Variants in ANO10 observed in about 807,000 individuals in gnomAD.
The protein encoded by ANO10 is anoctamin-10.
ANO10 carries 77 observed loss-of-function variants against 74.7 expected under a neutral mutation model. The observed-to-expected ratio is 1.03, with a 90% CI of 0.86 to 1.25. ANO10 has a LOEUF of 1.25. ANO10 is among the 50% of genes most tolerant of loss of function. The pLI is 0.00. For synonymous variants in ANO10, 279 were observed against 284.9 expected, an observed-to-expected ratio of 0.98 and a Z score of 0.21; for missense variants, 721 against 778.1, an observed-to-expected ratio of 0.93 and a Z score of 0.87.
At chr3:43,604,474 A>G (rs982171244) in intron 2 of ANO10, among the ~76,000 whole-genome samples, 1 of 150,072 alleles carries the variant, frequency 6.7e-6, no homozygotes, top group Admixed American at 6.6e-5. Flanking sequence ...CCTGTTTCCT[A>G]GCTTCCAATT....
At chr3:43,660,851 C>G (rs1183822105) in intron 1 of ANO10, among the ~76,000 whole-genome samples, 1 of 152,054 alleles carries the variant, frequency 6.6e-6, no homozygotes, top group South Asian at 2.1e-4. Flanking sequence ...CTACTCAGGA[C>G]GCCAAGGCAG....
chr3:43,627,298 G>A (rs184923717), intron 1 of ANO10, among the ~76,000 whole-genome samples: 6 of 152,326 alleles, frequency 3.9e-5, no homozygotes, highest in Admixed American at 3.3e-4. Flanking sequence ...TTACCAAATC[G>A]GTGGAAGGCC....
chr3:43,557,905 G>A (rs1255279890), intron 9 of ANO10, among the ~76,000 whole-genome samples: 1 of 151,456 alleles, frequency 6.6e-6, no homozygotes, highest in Non-Finnish European at 1.5e-5. Context: ...AGGAGTTCAA[G>A]ACCAGCCTGG....
chr3:43,427,856 C>T (rs2092920843), intron 12 of ANO10, among the ~76,000 whole-genome samples: 5 of 152,086 alleles, frequency 3.3e-5, no homozygotes, highest in Admixed American at 3.3e-4. Flanking sequence ...AAGGAGGTAA[C>T]CTTTTGTACC....
chr3:43,582,344 C>T (rs929390189), intron 4 of ANO10, among the ~76,000 whole-genome samples: 9 of 151,896 alleles, frequency 5.9e-5, no homozygotes, highest in East Asian at 5.8e-4. Context: ...CCCAGCTACT[C>T]GGGAAGCTGA....
chr3:43,677,166 A>G (rs1291856063), intron 1 of ANO10, among the ~76,000 whole-genome samples: 3 of 152,214 alleles, frequency 2.0e-5, no homozygotes, highest in Non-Finnish European at 4.4e-5. Context: ...CCCAAAAAGA[A>G]TGAAATCACG....
rs571983239 is a variant in ANO10 at position 43,598,607 on chromosome 3, C to T, written c.397G>A (p.Glu133Lys). 252 of 1,612,074 alleles carry T rather than the reference C, an allele frequency of 1.6e-4. 3 individuals are homozygous for T. In the South Asian group the frequency reaches 1.7e-3, roughly 11 times the overall value. The change falls in exon 4 of 13, where the codon GAA becomes AAA. Residue 133 changes from glutamate to lysine, a missense_variant. Physicochemically the swap from Glu to Lys is moderately conservative, Grantham distance 56. Transcript: ENST00000292246. The stretch of plus-strand genomic sequence containing the variant: ...TTTTCATCTTTAGCTCTAAGATTTT[C>T]AAGTTCATGTTTGATAATGAATTGA... ...ECQFIIKHEL[E>K]NLRAKDEKMI...
intron 11 of ANO10, among the ~76,000 whole-genome samples, chr3:43,503,556 G>C (rs2077175601): frequency 6.6e-6 from 1 of 152,218 alleles, no homozygotes. Context: ...AGGGGGCAGA[G>C]CTAAGCCATA....
intron 1 of ANO10, among the ~76,000 whole-genome samples, chr3:43,685,057 T>G (rs548070956): frequency 1.5e-4 from 23 of 152,298 alleles, no homozygotes; most frequent in African/African-American, 4.8e-4. Context: ...GTTGTGCACA[T>G]GTACCCTAAA....
chr3:43,371,662 AC>A (rs1456982481), intron 12 of ANO10, among the ~76,000 whole-genome samples: 1 of 152,068 alleles, frequency 6.6e-6, no homozygotes, highest in African/African-American at 2.4e-5. Flanking sequence ...CTGTGCACAC[AC>A]CCCTTATTCA....
chr3:43,501,945 T>C (rs982339798), intron 11 of ANO10, among the ~76,000 whole-genome samples: 1 of 152,158 alleles, frequency 6.6e-6, no homozygotes, highest in Non-Finnish European at 1.5e-5. Context: ...TTGGTGATTT[T>C]CCACTTTTCT....
chr3:43,660,314 A>G (rs887777656), intron 1 of ANO10, among the ~76,000 whole-genome samples: 5 of 152,190 alleles, frequency 3.3e-5, no homozygotes, highest in Admixed American at 3.3e-4. Flanking sequence ...CTAAAGGAGC[A>G]TGTTCTAAAA....
intron 8 of ANO10, among the ~76,000 whole-genome samples, chr3:43,564,684 A>G (rs1344908035): frequency 6.6e-6 from 1 of 152,176 alleles, no homozygotes. Context: ...ATCTATGTAC[A>G]TGAATCTTTG....
chr3:43,380,882 A>G (rs1398730412), intron 12 of ANO10, among the ~76,000 whole-genome samples: 2 of 152,250 alleles, frequency 1.3e-5, no homozygotes, highest in African/African-American at 4.8e-5. Flanking sequence ...GCTGCTATGA[A>G]GAAGTGCCCA....
At chr3:43,691,012 A>C in intron 1 of ANO10, 1 of 1,563,602 alleles carries the variant, frequency 6.4e-7, no homozygotes, top group Non-Finnish European at 8.6e-7. Flanking sequence ...GAGGAGGAGG[A>C]GGTGGACTCT....
chr3:43,445,850 C>A (rs529209295), intron 11 of ANO10, among the ~76,000 whole-genome samples: 2 of 152,174 alleles, frequency 1.3e-5, no homozygotes, highest in Admixed American at 6.5e-5. Flanking sequence ...CAGGTGTGCA[C>A]CACCATACCC....
At chr3:43,455,695 G>A (rs560104231) in intron 11 of ANO10, among the ~76,000 whole-genome samples, 1 of 152,160 alleles carries the variant, frequency 6.6e-6, no homozygotes, top group African/African-American at 2.4e-5. Flanking sequence ...ACTTCACTGG[G>A]CTGGGCTGCA....
chr3:43,374,166 G>C (rs2091718729), intron 12 of ANO10, among the ~76,000 whole-genome samples: 1 of 152,112 alleles, frequency 6.6e-6, no homozygotes, highest in Non-Finnish European at 1.5e-5. Context: ...CCTGTGCCAG[G>C]TTCATGCCAA....
intron 1 of ANO10, among the ~76,000 whole-genome samples, chr3:43,664,665 G>T (rs1411705288): frequency 2.0e-5 from 3 of 151,988 alleles, no homozygotes; most frequent in African/African-American, 7.2e-5. Context: ...AATCTACAAA[G>T]AACTTAAATT....
Sources: allele counts gnomAD v4.1 joint callset (sites outside exome capture counted in the v4.1 genomes callset), GRCh38; gene constraint gnomAD v4.1.1; transcripts MANE v1.5; gene names NCBI Gene and HGNC (gene_info 2026-07-23, HGNC 2026-07-21).